Variants in ZNG1E observed in about 807,000 individuals in gnomAD.
The protein encoded by ZNG1E is Zn regulated GTPase metalloprotein activator 1E, also known as zinc-regulated GTPase metalloprotein activator 1E.
the ZNG1E span, among the ~76,000 whole-genome samples, chr9:65,686,611 G>T: frequency 2.6e-5 from 4 of 152,094 alleles, no homozygotes; most frequent in Non-Finnish European, 5.9e-5. Flanking sequence ...CTCCAGCCTG[G>T]GTGACAGAGC....
At chr9:65,716,686 A>T in the ZNG1E span, among the ~76,000 whole-genome samples, 1 of 151,272 alleles carries the variant, frequency 6.6e-6, no homozygotes, top group Non-Finnish European at 1.5e-5. Flanking sequence ...TAAAGAAAAA[A>T]GAAATTGATT....
At chr9:65,685,293 A>G in the ZNG1E span, among the ~76,000 whole-genome samples, 2 of 152,388 alleles carry the variant, frequency 1.3e-5, no homozygotes, top group South Asian at 2.1e-4. Context: ...TGGCAATTTC[A>G]TAAGATAATA....
At chr9:65,671,465 G>A in the ZNG1E span, among the ~76,000 whole-genome samples, 4 of 151,874 alleles carry the variant, frequency 2.6e-5, no homozygotes, top group East Asian at 1.9e-4. Context: ...GACTACAGGC[G>A]TGTGCCACCA....
the ZNG1E span, among the ~76,000 whole-genome samples, chr9:65,657,068 T>G: frequency 2.0e-5 from 3 of 151,448 alleles, no homozygotes; most frequent in African/African-American, 4.8e-5. Flanking sequence ...ACAAAGAAAA[T>G]AATTTGGAAC....
chr9:65,672,244 T>G, the ZNG1E span, among the ~76,000 whole-genome samples: 4 of 151,780 alleles, frequency 2.6e-5, no homozygotes, highest in Non-Finnish European at 5.9e-5. Context: ...TATCAGATGC[T>G]TAGGGGCTCA....
At chr9:65,677,639 AATG>A in the ZNG1E span, among the ~76,000 whole-genome samples, 1 of 152,254 alleles carries the variant, frequency 6.6e-6, no homozygotes, top group Non-Finnish European at 1.5e-5. Context: ...TGTTAGCCTT[AATG>A]ATCTTTATAA....
the ZNG1E span, among the ~76,000 whole-genome samples, chr9:65,700,044 C>T: frequency 6.7e-6 from 1 of 149,574 alleles, no homozygotes; most frequent in Non-Finnish European, 1.5e-5. Context: ...GTAATGAATA[C>T]AATTCATTCA....
chr9:65,657,869 G>T, the ZNG1E span, among the ~76,000 whole-genome samples: 1 of 152,280 alleles, frequency 6.6e-6, no homozygotes, highest in East Asian at 1.9e-4. Context: ...GGGAGGCTGA[G>T]GCGGGCAGAT....
chr9:65,685,756 TC>T, the ZNG1E span, among the ~76,000 whole-genome samples: 2 of 152,384 alleles, frequency 1.3e-5, no homozygotes, highest in African/African-American at 4.8e-5. Flanking sequence ...TACTTTGATC[TC>T]CCATGAATCA....
At chr9:65,717,555 C>T in the ZNG1E span, among the ~76,000 whole-genome samples, 8 of 149,924 alleles carry the variant, frequency 5.3e-5, no homozygotes, top group South Asian at 4.2e-4. Context: ...TTTCATCCTC[C>T]GTGTCTGGAT....
chr9:65,719,937 A>T, the ZNG1E span: 3 of 1,423,160 alleles, frequency 2.1e-6, no homozygotes, highest in African/African-American at 3.1e-5. Context: ...AGAATATTAG[A>T]ATAGTCAGTT....
chr9:65,731,638 T>TA, the ZNG1E span: 2 of 1,529,258 alleles, frequency 1.3e-6, no homozygotes, highest in African/African-American at 3.1e-5. Context: ...AGAGTATTGT[T>TA]ACAATCACAT....
At chr9:65,710,919 G>A in the ZNG1E span, among the ~76,000 whole-genome samples, 9 of 145,680 alleles carry the variant, frequency 6.2e-5, no homozygotes, top group African/African-American at 7.9e-5. Context: ...GATGGGGATG[G>A]CATTGAATCT....
At chr9:65,691,616 C>G in the ZNG1E span, among the ~76,000 whole-genome samples, 1 of 152,254 alleles carries the variant, frequency 6.6e-6, no homozygotes, top group African/African-American at 2.4e-5. Context: ...TTTTCTGTAT[C>G]CTCTGTTGTT....
chr9:65,658,017 T>C, the ZNG1E span, among the ~76,000 whole-genome samples: 1 of 152,040 alleles, frequency 6.6e-6, no homozygotes, highest in African/African-American at 2.4e-5. Flanking sequence ...GAGAATCACT[T>C]GAACCTGGGA....
At chr9:65,677,088 T>C in the ZNG1E span, 16 of 1,522,252 alleles carry the variant, frequency 1.1e-5, no homozygotes, top group East Asian at 2.5e-5. Context: ...TGCTCGGAAG[T>C]AATTTTATAA....
At chr9:65,709,308 AT>A in the ZNG1E span, among the ~76,000 whole-genome samples, 1 of 150,650 alleles carries the variant, frequency 6.6e-6, no homozygotes, top group African/African-American at 2.5e-5. Context: ...TCTTCACTTT[AT>A]TTTTTTATTT....
At chr9:65,719,983 C>T in the ZNG1E span, 279,987 of 1,540,948 alleles carry the variant, frequency 0.18, 30,323 homozygotes, top group Admixed American at 0.19. Context: ...TGTCACTAAA[C>T]GTATAAAGTT....
At chr9:65,673,555 T>A in the ZNG1E span, among the ~76,000 whole-genome samples, 1 of 152,182 alleles carries the variant, frequency 6.6e-6, no homozygotes, top group African/African-American at 2.4e-5. Flanking sequence ...CTGACTGAGC[T>A]GGCCTCATAG....
Sources: allele counts gnomAD v4.1 joint callset (sites outside exome capture counted in the v4.1 genomes callset), GRCh38; gene constraint gnomAD v4.1.1; transcripts MANE v1.5; gene names NCBI Gene and HGNC (gene_info 2026-07-23, HGNC 2026-07-21).